The following DGKI variants were observed in gnomAD, a reference collection of about 807,000 sequenced individuals.
DGKI encodes the protein DAG kinase iota.
DGKI carries 55 observed loss-of-function variants against 147.5 expected under a neutral mutation model. The observed-to-expected ratio is 0.37, with a 90% CI of 0.30 to 0.47. The LOEUF (loss-of-function observed/expected upper bound fraction) is 0.47, where lower values mean the gene tolerates loss of function less well. Ranked by LOEUF, DGKI falls within the 20% of genes least tolerant of loss-of-function variation. The probability of loss-of-function intolerance (pLI) is 1.00; values close to 1 mark genes in which losing one functional copy is unlikely to be tolerated. For synonymous variants in DGKI, 469 were observed against 477.1 expected (o/e 0.98, Z 0.22); for missense variants, 1,007 against 1,323.8 (o/e 0.76, Z 3.71).
intron 6 of DGKI, among the ~76,000 whole-genome samples, chr7:137,638,061 G>A (rs993852057): frequency 1.3e-4 from 20 of 152,044 alleles, no homozygotes; most frequent in African/African-American, 4.3e-4. Flanking sequence ...AGAGACAAAC[G>A]GTAAATGAGG....
At chr7:137,491,312 G>A (rs1293313619) in intron 21 of DGKI, among the ~76,000 whole-genome samples, 3 of 152,170 alleles carry the variant, frequency 2.0e-5, no homozygotes. Flanking sequence ...TCTGAAGACT[G>A]CAGTGATCCC....
intron 28 of DGKI, among the ~76,000 whole-genome samples, chr7:137,431,626 C>T (rs1171069878): frequency 6.6e-6 from 1 of 152,174 alleles, no homozygotes; most frequent in Non-Finnish European, 1.5e-5. Context: ...GAGAGCAGGG[C>T]ACAGGTATCT....
chr7:137,821,199 G>A (rs1797886596), intron 1 of DGKI, among the ~76,000 whole-genome samples: 1 of 152,208 alleles, frequency 6.6e-6, no homozygotes, highest in Non-Finnish European at 1.5e-5. Flanking sequence ...GTTCCTGGAA[G>A]AAACCCACAG....
chr7:137,482,239 T>C (rs979334844), intron 23 of DGKI, among the ~76,000 whole-genome samples: 3 of 151,970 alleles, frequency 2.0e-5, no homozygotes, highest in Non-Finnish European at 2.9e-5. Context: ...CTCTCTGAAA[T>C]ACATTTCACT....
chr7:137,794,127 C>T (rs183285609), intron 1 of DGKI, among the ~76,000 whole-genome samples: 1 of 152,302 alleles, frequency 6.6e-6, no homozygotes, highest in African/African-American at 2.4e-5. Context: ...AAAAATGTTA[C>T]AGTTTAGACC....
At chr7:137,444,182 A>G (rs1813621580) in intron 27 of DGKI, 80 bp from the exon 28 acceptor site, 1 of 885,900 alleles carries the variant, frequency 1.1e-6, no homozygotes, top group African/African-American at 1.7e-5. Flanking sequence ...TAGTAATTTT[A>G]CCCTCAAATT....
At chr7:137,502,132 T>C (rs1481716273) in intron 21 of DGKI, among the ~76,000 whole-genome samples, 1 of 152,138 alleles carries the variant, frequency 6.6e-6, no homozygotes, top group African/African-American at 2.4e-5. Context: ...CTTTGTAAAT[T>C]CCCCAGTCTC....
chr7:137,461,645 G>A (rs763469172), intron 27 of DGKI, among the ~76,000 whole-genome samples: 1 of 152,298 alleles, frequency 6.6e-6, no homozygotes, highest in African/African-American at 2.4e-5. Flanking sequence ...GCCTAGTAGA[G>A]ATGACTTGCC....
At chr7:137,793,192 C>A (rs1394336977) in intron 1 of DGKI, among the ~76,000 whole-genome samples, 1 of 152,116 alleles carries the variant, frequency 6.6e-6, no homozygotes, top group African/African-American at 2.4e-5. Context: ...CTGACATTAC[C>A]TTGGTCTCTG....
chr7:137,444,670 T>C (rs1460079371), intron 27 of DGKI, among the ~76,000 whole-genome samples: 1 of 152,230 alleles, frequency 6.6e-6, no homozygotes, highest in Non-Finnish European at 1.5e-5. Context: ...CAGAAGGCAA[T>C]CACTGAGGTT....
intron 21 of DGKI, among the ~76,000 whole-genome samples, chr7:137,507,053 A>T (rs541749319): frequency 4.6e-5 from 7 of 152,214 alleles, no homozygotes; most frequent in Non-Finnish European, 1.5e-5. Flanking sequence ...TGTGGGTCAC[A>T]GGTCCATTTT....
intron 20 of DGKI, among the ~76,000 whole-genome samples, chr7:137,541,961 A>C (rs181887400): frequency 1.3e-5 from 2 of 152,324 alleles, no homozygotes; most frequent in Admixed American, 1.3e-4. Flanking sequence ...ATGAAAAGAC[A>C]GGATATATAC....
At chr7:137,436,481 G>A (rs962411445) in intron 28 of DGKI, among the ~76,000 whole-genome samples, 1 of 152,056 alleles carries the variant, frequency 6.6e-6, no homozygotes, top group African/African-American at 2.4e-5. Context: ...GTTAAGAAAA[G>A]GATCTGGATC....
intron 6 of DGKI, among the ~76,000 whole-genome samples, chr7:137,631,001 A>G (rs548540676): frequency 1.6e-4 from 25 of 152,316 alleles, no homozygotes; most frequent in African/African-American, 5.5e-4. Context: ...TTTGAAAAAA[A>G]GACTAGTTAA....
intron 1 of DGKI, among the ~76,000 whole-genome samples, chr7:137,705,516 A>C (rs1032154126): frequency 6.6e-6 from 1 of 152,186 alleles, no homozygotes; most frequent in Non-Finnish European, 1.5e-5. Context: ...GTTATAGAAC[A>C]GGAAAAACTA....
chr7:137,661,534 T>C (rs1363268714), intron 3 of DGKI, among the ~76,000 whole-genome samples: 4 of 151,656 alleles, frequency 2.6e-5, no homozygotes, highest in African/African-American at 9.7e-5. Flanking sequence ...ACAGAGGAGG[T>C]TGCTGGGCCA....
intron 7 of DGKI, among the ~76,000 whole-genome samples, chr7:137,620,605 T>C (rs1301606539): frequency 6.6e-6 from 1 of 152,162 alleles, no homozygotes; most frequent in African/African-American, 2.4e-5. Flanking sequence ...AAAAATTCAA[T>C]GACCCTATTA....
intron 21 of DGKI, among the ~76,000 whole-genome samples, chr7:137,492,778 G>A (rs1563051806): frequency 6.6e-6 from 1 of 152,122 alleles, no homozygotes; most frequent in Non-Finnish European, 1.5e-5. Context: ...AACAGAGCAG[G>A]GCCAGTCTGA....
chr7:137,631,277 T>G (rs1821113830), intron 6 of DGKI, among the ~76,000 whole-genome samples: 1 of 152,242 alleles, frequency 6.6e-6, no homozygotes, highest in Non-Finnish European at 1.5e-5. Context: ...TTCCCAGAAT[T>G]ACTCAGATTG....
Sources: allele counts gnomAD v4.1 joint callset (sites outside exome capture counted in the v4.1 genomes callset), GRCh38; gene constraint gnomAD v4.1.1; transcripts MANE v1.5; gene names NCBI Gene and HGNC (gene_info 2026-07-23, HGNC 2026-07-21).